Variants in NDUFS2 observed in about 807,000 individuals in gnomAD.
NDUFS2 encodes the protein NADH dehydrogenase [ubiquinone] iron-sulfur protein 2, mitochondrial.
A neutral mutation model predicts 69.6 loss-of-function variants in NDUFS2; 38 were observed. That is an observed-to-expected ratio of 0.55 (90% CI 0.42 to 0.72). NDUFS2 has a LOEUF of 0.72. NDUFS2 is among the 30% of genes least tolerant of loss of function. The pLI is 0.00. For synonymous variants in NDUFS2, 194 were observed against 211.2 expected, an observed-to-expected ratio of 0.92 and a Z score of 0.70; for missense variants, 468 against 595.0, an observed-to-expected ratio of 0.79 and a Z score of 2.22.
intron 7 of NDUFS2, 29 bp downstream of exon 7, chr1:161,210,217 C>T: frequency 6.2e-7 from 1 of 1,611,846 alleles, no homozygotes; most frequent in Admixed American, 1.7e-5. Context: ...GGAAAAATCT[C>T]TCCCCCACAA....
upstream of NDUFS2, chr1:161,198,339 C>G: frequency 6.2e-7 from 1 of 1,613,372 alleles, no homozygotes; most frequent in Non-Finnish European, 8.5e-7. This position sits in a 1 kb window ranked among gnomAD's most constrained non-coding sequence, Gnocchi z 4.7. Context: ...GAGTCCTGCT[C>G]CAGCTCTAGT....
chr1:161,198,158 C>T, upstream of NDUFS2: 1 of 1,614,020 alleles, frequency 6.2e-7, no homozygotes, highest in Non-Finnish European at 8.5e-7. The surrounding 1 kb of genome is among the most constrained non-coding windows in gnomAD (Gnocchi z 4.7). Flanking sequence ...GAGTTCAGCC[C>T]CCCGATATTG....
At chr1:161,202,041 G>A (rs1025955447), upstream of NDUFS2, 14 of 419,138 alleles carry the variant, frequency 3.3e-5, no homozygotes, top group African/African-American at 2.6e-4. Context: ...GAAGGGAGTA[G>A]GGAAGGAAGC....
chr1:161,209,981 C>T (rs1055632241), intron 6 of NDUFS2, 50 bp downstream of exon 6: 6 of 1,608,340 alleles, frequency 3.7e-6, no homozygotes, highest in South Asian at 1.1e-5. Context: ...CCTATTTTCC[C>T]TGTGGCCACT....
chr1:161,213,513 G>A (rs778181449), intron 11 of NDUFS2, 38 bp downstream of exon 11: 4 of 1,563,054 alleles, frequency 2.6e-6, no homozygotes, highest in East Asian at 2.2e-5. Context: ...CATATGTAGA[G>A]TAGGTAGCTA....
intron 1 of NDUFS2, 32 bp downstream of exon 1, chr1:161,202,512 C>T (rs1665194906): frequency 1.3e-6 from 2 of 1,586,502 alleles, no homozygotes; most frequent in Non-Finnish European, 8.6e-7. Flanking sequence ...GACACACTTT[C>T]TCCAAGGCTA....
In NDUFS2 at chr1:161,203,667, C is replaced by T. The variant is rs899248905; in HGVS notation, c.202+124C>T. On this transcript the variant is annotated intron_variant, in intron 2 of 13. Coordinates refer to ENST00000676972, the MANE Select transcript of NDUFS2 (RefSeq NM_001377299.1). ...CTGGAGTGCAGTGGTGCGAAAGTGG[C>T]TCACTGTAGCCTTGAACTTCTGGGC... The T allele has an allele frequency of 1.1e-5, 9 of 830,324 alleles. No homozygotes were observed. In the African/African-American group the frequency reaches 1.5e-4, roughly 14 times the overall value. The allele number at this position is 830,324 out of a possible 1,614,324, so 51.4% of individuals were successfully genotyped here.
intron 2 of NDUFS2, 134 bp downstream of exon 2, chr1:161,203,677 C>A: frequency 1.3e-6 from 1 of 777,140 alleles, no homozygotes; most frequent in Non-Finnish European, 2.2e-6. Flanking sequence ...CTCACTGTAG[C>A]CTTGAACTTC....
rs2102044833 is a variant in NDUFS2, at chr1:161,209,216, A to C, written c.417A>C (p.Leu139=). 6.2e-7 allele frequency: 1 copy of C among 1,614,178 alleles called. No homozygotes were observed. The highest frequency in any genetic ancestry group is 1.7e-5 in the Admixed American group (1 of 60,002). ...AGGCCCTTCCATACTTTGACCGGCT[A>C]GACTATGTGTCCATGATGTGTAACG... is the stretch of plus-strand genomic sequence containing the variant. ...YLQALPYFDR[L]DYVSMMCNEQ... Residue 139 remains leucine (L), a synonymous_variant, in exon 4 of 14, where the codon CTA becomes CTC. Transcript: ENST00000676972.
chr1:161,209,909 T>G lies in NDUFS2; in HGVS notation c.680T>G (p.Ile227Ser), dbSNP rs1442624080. 6.2e-7 allele frequency: 1 copy of G among 1,614,040 alleles called. No individual in the cohort carries two copies. Among genetic ancestry groups the G allele is most frequent in the Non-Finnish European group, 8.5e-7 (1 of 1,180,008 alleles). Reference sequence around the variant, plus strand: ...GGAGCCCGAATGCATGCTGCTTATATCCGGCCAGGAGGAGTGCACCAGGTG... The same window carrying G: ...GGAGCCCGAATGCATGCTGCTTATAGCCGGCCAGGAGGAGTGCACCAGGTG... Reference protein sequence around the residue: ...VSGARMHAAYIRPGGVHQDLP... With the variant: ...VSGARMHAAYSRPGGVHQDLP... The change falls in exon 6 of 14, where the codon ATC becomes AGC. Residue 227 changes from isoleucine (I) to serine (S), a missense_variant. By Grantham distance (142) the Ile-to-Ser change is moderately radical. Transcript: ENST00000676972.
intron 3 of NDUFS2, among the ~76,000 whole-genome samples, chr1:161,208,073 C>T (rs1417975044): frequency 1.3e-5 from 2 of 150,940 alleles, no homozygotes; most frequent in African/African-American, 4.9e-5. Context: ...CAAACTCCAC[C>T]TCCCAGGTTC....
At chr1:161,208,274 G>A (rs1217092635) in intron 3 of NDUFS2, among the ~76,000 whole-genome samples, 3 of 150,578 alleles carry the variant, frequency 2.0e-5, no homozygotes, top group Non-Finnish European at 3.0e-5. Context: ...GTGAGCCACC[G>A]CGCCTGACCA....
chr1:161,212,568 G>C, intron 10 of NDUFS2, 88 bp downstream of exon 10: 1 of 1,547,150 alleles, frequency 6.5e-7, no homozygotes, highest in Admixed American at 1.8e-5. Flanking sequence ...CCTATCTTTT[G>C]GTTTTCTTTT....
intron 10 of NDUFS2, 148 bp downstream of exon 10, chr1:161,212,628 C>T (rs944463347): frequency 6.1e-5 from 62 of 1,015,298 alleles, no homozygotes; most frequent in Non-Finnish European, 8.4e-5. Flanking sequence ...AGTGCAATCT[C>T]GGCTAACTGC....
chr1:161,212,574 CT>C lies in NDUFS2; in HGVS notation c.1116+104del, dbSNP rs911715275. On this transcript the variant is annotated intron_variant, in intron 10 of 13. Transcript: ENST00000676972. ...GGATTAAATCCTATCTTTTGGTTTT[CT>C]TTTTTTTTTGAGACAGAGTTTTACT... The C allele has an allele frequency of 6.7e-3, 8,674 of 1,301,218 alleles. 10 individuals carry two copies. The highest frequency in any genetic ancestry group is 0.013 in the South Asian group (866 of 68,986). The allele number at this position is 1,301,218 out of a possible 1,614,324, so 80.6% of individuals were successfully genotyped here.
chr1:161,201,254 G>C (rs1454781917), upstream of NDUFS2, among the ~76,000 whole-genome samples: 5 of 152,226 alleles, frequency 3.3e-5, no homozygotes, highest in Non-Finnish European at 1.5e-5. Flanking sequence ...CAGAAGTCTG[G>C]CTTTCCCCTC....
At position 161,210,397 on chromosome 1, in the gene NDUFS2, G is replaced by T; in HGVS notation, c.866+8G>T. ...ACTTAACTATGGTTTTAGGTGAGGG[G>T]AATACAACTTCTCTCCGTAGGAGTG... On this transcript the variant is annotated splice_region_variant and intron_variant, in intron 8 of 13. Coordinates refer to ENST00000676972, the MANE Select transcript of NDUFS2 (RefSeq NM_001377299.1). 2 of 1,611,638 alleles carry T rather than the reference G, an allele frequency of 1.2e-6. No homozygotes were observed. The highest frequency in any genetic ancestry group is 1.7e-6 in the Non-Finnish European group (2 of 1,177,828).
chr1:161,201,366 A>G (rs1228839006), upstream of NDUFS2, among the ~76,000 whole-genome samples: 2 of 152,062 alleles, frequency 1.3e-5, no homozygotes, highest in East Asian at 3.9e-4. Context: ...TGTCTAGGGG[A>G]TATCTGGGGA....
rs1665930215 is a variant in NDUFS2 at position 161,214,229 on chromosome 1, G to C, written c.*36G>C. On this transcript the variant is annotated 3_prime_UTR_variant, in exon 14 of 14. Transcript: ENST00000676972. ...AGCGTTTGATCCCCCCTGCCTATCA[G>C]CTTCTTCTGTGGAGCCTGTTCCTCA... 6.3e-7 allele frequency: 1 copy of C among 1,586,428 alleles called. No individual in the cohort carries two copies. The highest frequency in any genetic ancestry group is 2.2e-5 in the East Asian group (1 of 44,660).
Sources: allele counts gnomAD v4.1 joint callset (sites outside exome capture counted in the v4.1 genomes callset), GRCh38; gene constraint gnomAD v4.1.1; non-coding constraint Gnocchi (gnomAD v3.1); transcripts MANE v1.5; gene names NCBI Gene and HGNC (gene_info 2026-07-23, HGNC 2026-07-21).